Variants in RGPD3 observed in about 807,000 individuals in gnomAD.
RGPD3 encodes ranBP2-like and GRIP domain-containing protein 3.
A neutral mutation model predicts 154.5 loss-of-function variants in RGPD3; 62 were observed. That is an observed-to-expected ratio of 0.40 (90% CI 0.33 to 0.50). The LOEUF (loss-of-function observed/expected upper bound fraction) is 0.50, where lower values mean the gene tolerates loss of function less well. Among genes scored for constraint, RGPD3 ranks in the 20% least tolerant of loss-of-function variants. The pLI is 0.59. For synonymous variants in RGPD3, 308 were observed against 607.0 expected (o/e 0.51, Z 7.24); for missense variants, 919 against 1,716.8 (o/e 0.54, Z 8.21).
intron 7 of RGPD3, among the ~76,000 whole-genome samples, chr2:106,442,438 T>C (rs1573279498): frequency 1.8e-5 from 2 of 109,976 alleles, no homozygotes; most frequent in South Asian, 3.0e-4. Context: ...TAATAGGGGA[T>C]AGCACTGGAA....
At chr2:106,467,432 C>T (rs1678655663) in intron 1 of RGPD3, among the ~76,000 whole-genome samples, 1 of 102,544 alleles carries the variant, frequency 9.8e-6, no homozygotes, top group African/African-American at 3.7e-5. Flanking sequence ...GAGGCCGCCG[C>T]CGGGCCGGGT....
In RGPD3 at chr2:106,447,605, C is replaced by G. The variant is rs1677973669; in HGVS notation, c.791G>C (p.Ser264Thr). 6.3e-6 allele frequency: 1 copy of G among 159,340 alleles called. No homozygotes were observed. Among genetic ancestry groups the G allele is most frequent in the African/African-American group, 7.2e-5 (1 of 13,916 alleles). 9.9% of individuals were successfully genotyped at this position (159,340 alleles called of 1,614,324 possible). A position where few individuals can be genotyped will look rare whatever the true frequency, so the allele number is the denominator to read the frequency against. The change falls in exon 7 of 23, where the codon AGT becomes ACT. Residue 264 changes from serine to threonine, a missense_variant. Physicochemically the swap from Ser to Thr is moderately conservative, Grantham distance 58. Transcript: ENST00000409886. Reference sequence around the variant, plus strand: ...AGAAGATTTCGCAGACTGAAGAGCACTATCAAAACTGTAATATGAAAATAT... The same window carrying G: ...AGAAGATTTCGCAGACTGAAGAGCAGTATCAAAACTGTAATATGAAAATAT... ...ESRELLESFDSALQSAKSSLG... is the reference protein window; with the variant it reads ...ESRELLESFDTALQSAKSSLG...
At position 106,423,818 on chromosome 2, in the gene RGPD3, C is replaced by A. The variant is rs376982005; in HGVS notation, c.4149G>T (p.Lys1383Asn). ...QWKERGIGDI[K>N]ILQNYDNKHV... is the part of the protein sequence containing the mutation. ...GCTTATTATCATAATTCTGTAAAAT[C>A]TTTATATCACCAATGCCCCTTTCTT... Residue 1383 changes from lysine (K) to asparagine (N), a missense_variant, in exon 20 of 23, where the codon AAG (lysine) becomes AAT (asparagine). Lys to Asn is a moderately conservative substitution (Grantham distance 94, BLOSUM62 0). Transcript: ENST00000409886. 19 of 1,611,974 alleles carry A rather than the reference C, an allele frequency of 1.2e-5. No individual in the cohort carries two copies. The East Asian group carries it at 4.2e-4, about 36-fold the overall frequency.
At position 106,467,528 on chromosome 2, in the gene RGPD3, C is replaced by A. The variant is rs1490907196; in HGVS notation, c.72+689G>T. ...TGAGCCATCGAGGCCGCCGCTGGGC[C>A]GGGTTGAGGCCGCCGCCTCAACAGA... On this transcript the variant is annotated intron_variant, in intron 1 of 22. Coordinates refer to ENST00000409886, the MANE Select transcript of RGPD3 (RefSeq NM_001144013.2). Among the ~76,000 whole-genome samples, 34 of 60,942 alleles carry A rather than the reference C, an allele frequency of 5.6e-4. 13 individuals carry two copies. Among genetic ancestry groups the A allele is most frequent in the East Asian group, 7.5e-3 (2 of 268 alleles). The allele number at this position is 60,942 out of a possible 152,430, so 40.0% of individuals were successfully genotyped here.
intron 1 of RGPD3, among the ~76,000 whole-genome samples, chr2:106,462,133 C>A (rs947801381): frequency 6.6e-6 from 1 of 152,140 alleles, no homozygotes; most frequent in Non-Finnish European, 1.5e-5. Context: ...TGACTTCCTC[C>A]GCCTCCCAAG....
chr2:106,406,799 A>T (rs1285464974), intron 22 of RGPD3, among the ~76,000 whole-genome samples: 3 of 152,212 alleles, frequency 2.0e-5, no homozygotes, highest in South Asian at 4.1e-4. Context: ...TCCAGACACC[A>T]TTCTGTGTTT....
upstream of RGPD3, among the ~76,000 whole-genome samples, chr2:106,469,488 A>C (rs1377042056): frequency 1.3e-5 from 2 of 152,206 alleles, no homozygotes; most frequent in Non-Finnish European, 2.9e-5. Flanking sequence ...ACATGTTTAA[A>C]AATATAATGA....
At chr2:106,450,383 C>T (rs1180542078) in intron 6 of RGPD3, among the ~76,000 whole-genome samples, 2 of 143,566 alleles carry the variant, frequency 1.4e-5, no homozygotes, top group East Asian at 2.2e-4. Flanking sequence ...CACCCACAGC[C>T]CTAAGCCACA....
intron 2 of RGPD3, among the ~76,000 whole-genome samples, chr2:106,458,475 A>G (rs1475416276): frequency 1.3e-5 from 1 of 79,322 alleles, no homozygotes; most frequent in African/African-American, 3.9e-5. Flanking sequence ...TAGTCTCAAC[A>G]CTATGGGAGG....
intron 1 of RGPD3, among the ~76,000 whole-genome samples, chr2:106,464,633 G>T (rs1678511635): frequency 1.3e-5 from 2 of 151,876 alleles, no homozygotes; most frequent in Non-Finnish European, 2.9e-5. Flanking sequence ...GGAATCAGCT[G>T]CAGAATAAGA....
At chr2:106,445,261 C>G (rs1677876325) in intron 7 of RGPD3, among the ~76,000 whole-genome samples, 1 of 149,348 alleles carries the variant, frequency 6.7e-6, no homozygotes, top group South Asian at 2.1e-4. Flanking sequence ...TGTGCTCCAG[C>G]CTGGGCGACA....
intron 22 of RGPD3, chr2:106,412,798 GAACACCAGAACGC>G (rs2104444821): frequency 1.7e-6 from 1 of 596,376 alleles, no homozygotes; most frequent in East Asian, 3.8e-5. Flanking sequence ...ACGTTCAGCT[GAACACCAGAACGC>G]AACACCAGGA....
At chr2:106,463,385 G>T (rs1678462974) in intron 1 of RGPD3, among the ~76,000 whole-genome samples, 1 of 152,272 alleles carries the variant, frequency 6.6e-6, no homozygotes, top group Non-Finnish European at 1.5e-5. Context: ...TGAGGCAGGA[G>T]AATCACTTGA....
chr2:106,436,356 A>G (rs1365825733), intron 11 of RGPD3, 58 bp downstream of exon 11: 2 of 1,610,218 alleles, frequency 1.2e-6, no homozygotes, highest in African/African-American at 2.7e-5. Context: ...CACGAGGATT[A>G]AATCCCCGGT....
intron 4 of RGPD3, among the ~76,000 whole-genome samples, chr2:106,455,694 AC>A (rs1321914734): frequency 6.8e-6 from 1 of 147,952 alleles, no homozygotes; most frequent in African/African-American, 2.5e-5. Context: ...AAGATGGAGA[AC>A]AGATTAATGT....
intron 22 of RGPD3, among the ~76,000 whole-genome samples, chr2:106,405,649 C>T (rs1676494237): frequency 6.6e-6 from 1 of 152,196 alleles, no homozygotes; most frequent in South Asian, 2.1e-4. Flanking sequence ...GTTGGGATTA[C>T]AGTCACGAGC....
intron 1 of RGPD3, among the ~76,000 whole-genome samples, chr2:106,462,457 G>C (rs1678432212): frequency 6.6e-6 from 1 of 150,838 alleles, no homozygotes; most frequent in African/African-American, 2.4e-5. Context: ...GACAATATCT[G>C]ATTCAAGCAG....
At chr2:106,420,328 T>C (rs1329709811) in intron 20 of RGPD3, among the ~76,000 whole-genome samples, 3 of 151,138 alleles carry the variant, frequency 2.0e-5, no homozygotes, top group Non-Finnish European at 2.9e-5. Flanking sequence ...CCACCATTAA[T>C]GCAAAGGGCA....
chr2:106,450,562 CTCCTGGGGCT>C (rs1331922155), intron 6 of RGPD3, among the ~76,000 whole-genome samples: 26 of 135,968 alleles, frequency 1.9e-4, no homozygotes, highest in Non-Finnish European at 3.6e-4. Flanking sequence ...CCTCAGGGCC[CTCCTGGGGCT>C]TCCTGGTGGG....
Sources: allele counts gnomAD v4.1 joint callset (sites outside exome capture counted in the v4.1 genomes callset), GRCh38; gene constraint gnomAD v4.1.1; transcripts MANE v1.5; gene names NCBI Gene and HGNC (gene_info 2026-07-23, HGNC 2026-07-21).